Variants in ARRDC5 observed in about 807,000 individuals in gnomAD.
ARRDC5 encodes arrestin domain-containing protein 5.
Under a neutral mutation model 13.3 loss-of-function variants are expected in ARRDC5, and 12 were observed. The ratio of observed to expected loss-of-function variants is 0.90; its 90% CI spans 0.58 to 1.46. The LOEUF is 1.46. Ranked by LOEUF, ARRDC5 falls within the 40% of genes most tolerant of loss-of-function variation. ARRDC5 has a pLI of 0.00. For missense variants in ARRDC5, 406 were observed against 418.7 expected (o/e 0.97, Z 0.26); for synonymous variants, 181 against 173.4 (o/e 1.04, Z -0.34).
chr19:4,900,236 C>T (rs2031874179), intron 1 of ARRDC5, among the ~76,000 whole-genome samples: 1 of 148,960 alleles, frequency 6.7e-6, no homozygotes, highest in Non-Finnish European at 1.5e-5. Context: ...CAAGCTCCGC[C>T]TCCCGGGTTC....
chr19:4,891,411 C>T lies in ARRDC5; in HGVS notation c.622G>A (p.Val208Ile). 6.2e-7 allele frequency: 1 copy of T among 1,613,374 alleles called. No homozygotes were observed. The highest frequency in any genetic ancestry group is 2.2e-5 in the East Asian group (1 of 44,886). The part of the protein sequence containing the change: ...NNQTSKCIKT[V>I]VFALYAHIQY... ...ATGTGGGCATACAGGGCGAATACGA[C>T]CGTCTTGATGCATTTGCTGGTCTGG... Residue 208 changes from valine to isoleucine, a missense_variant, in exon 3 of 3, where the codon GTC (valine) becomes ATC (isoleucine). Physicochemically the swap from Val to Ile is conservative, Grantham distance 29. Transcript: ENST00000650722.
intron 2 of ARRDC5, 103 bp from the exon 3 acceptor site, chr19:4,891,676 G>T: frequency 2.8e-6 from 3 of 1,066,300 alleles, no homozygotes; most frequent in Non-Finnish European, 4.0e-6. Flanking sequence ...TGTGGGGCTG[G>T]CTGGGCACGA....
chr19:4,914,060 AC>A, the ARRDC5 span, among the ~76,000 whole-genome samples: 2 of 150,290 alleles, frequency 1.3e-5, no homozygotes, highest in African/African-American at 2.5e-5. Flanking sequence ...GGTGATTCAC[AC>A]CCCCCTCCCC....
chr19:4,895,649 C>T (rs1012657888), intron 2 of ARRDC5, among the ~76,000 whole-genome samples: 1 of 152,114 alleles, frequency 6.6e-6, no homozygotes, highest in Non-Finnish European at 1.5e-5. Context: ...GGCTGCACTG[C>T]CCGTCCTTCT....
the ARRDC5 span, among the ~76,000 whole-genome samples, chr19:4,912,615 G>C: frequency 6.6e-6 from 1 of 152,258 alleles, no homozygotes; most frequent in African/African-American, 2.4e-5. Flanking sequence ...GAAGCGCTCT[G>C]TCTTTCTCTC....
chr19:4,893,726 CAAAA>C (rs61307077), intron 2 of ARRDC5, among the ~76,000 whole-genome samples: 6 of 56,924 alleles, frequency 1.1e-4, no homozygotes, highest in Admixed American at 5.1e-4. Context: ...ACCCTGTCTC[CAAAA>C]AAAAAAAAAA....
chr19:4,911,085 G>A, the ARRDC5 span: 1 of 1,460,806 alleles, frequency 6.8e-7, no homozygotes, highest in Non-Finnish European at 9.1e-7. Flanking sequence ...TCCAGGCCTC[G>A]CGCCTCTGCA....
At chr19:4,910,973 C>G in the ARRDC5 span, 1 of 1,613,042 alleles carries the variant, frequency 6.2e-7, no homozygotes, top group African/African-American at 1.3e-5. Flanking sequence ...GGAGCTGAGG[C>G]GGAAGATCCA....
intron 1 of ARRDC5, among the ~76,000 whole-genome samples, chr19:4,902,096 G>A (rs1403895860): frequency 6.6e-6 from 1 of 152,018 alleles, no homozygotes; most frequent in Non-Finnish European, 1.5e-5. Context: ...CGCTATATTG[G>A]CCAGGCTGGT....
chr19:4,902,666 C>T lies in ARRDC5; in HGVS notation c.160G>A (p.Glu54Lys). The change falls in exon 1 of 3, where the codon GAA (glutamate) becomes AAA (lysine). Residue 54 changes from glutamate to lysine, a missense_variant. Transcript: ENST00000650722. ...LVGRGYVEWS[E>K]EAGASCDYSR... Reference sequence around the variant, plus strand: ...TAATCACAGGATGCCCCGGCTTCTTCACTCCATTCGACGTAACCCCTTCCC... The same window carrying T: ...TAATCACAGGATGCCCCGGCTTCTTTACTCCATTCGACGTAACCCCTTCCC... The T allele has an allele frequency of 6.2e-7, 1 of 1,614,036 alleles. No homozygotes were observed. The highest frequency in any genetic ancestry group is 8.5e-7 in the Non-Finnish European group (1 of 1,179,892).
chr19:4,910,864 C>A, the ARRDC5 span: 1 of 1,592,744 alleles, frequency 6.3e-7, no homozygotes, highest in South Asian at 1.1e-5. Context: ...TTTTTGCTGT[C>A]CCTCCCCTCA....
chr19:4,896,255 C>T (rs549482136), intron 2 of ARRDC5, among the ~76,000 whole-genome samples: 1 of 130,108 alleles, frequency 7.7e-6, no homozygotes, highest in Admixed American at 7.9e-5. Context: ...GCGGAGGTTA[C>T]AGTGAGCCGA....
At chr19:4,892,578 C>G (rs1015614876) in intron 2 of ARRDC5, among the ~76,000 whole-genome samples, 14 of 151,202 alleles carry the variant, frequency 9.3e-5, no homozygotes, top group African/African-American at 2.9e-4. Context: ...AGGCTAGTCT[C>G]AAACTCCTGG....
chr19:4,913,734 A>G, the ARRDC5 span, among the ~76,000 whole-genome samples: 1 of 149,830 alleles, frequency 6.7e-6, no homozygotes, highest in African/African-American at 2.4e-5. Flanking sequence ...TTATGAAAAG[A>G]TTCAGTGTTC....
chr19:4,908,989 A>C, the ARRDC5 span, among the ~76,000 whole-genome samples: 1 of 152,094 alleles, frequency 6.6e-6, no homozygotes, highest in Non-Finnish European at 1.5e-5. Context: ...AAAGACAGCA[A>C]ACAAGCCCTG....
At chr19:4,916,482 G>A in the ARRDC5 span, among the ~76,000 whole-genome samples, 1 of 152,266 alleles carries the variant, frequency 6.6e-6, no homozygotes, top group East Asian at 1.9e-4. Context: ...CAGTGATCGT[G>A]GTGTCTTTGT....
intron 1 of ARRDC5, 28 bp downstream of exon 1, chr19:4,902,545 T>C: frequency 6.2e-7 from 1 of 1,608,322 alleles, no homozygotes; most frequent in South Asian, 1.1e-5. Context: ...CTGTCATGGC[T>C]AGGGGTGGCT....
chr19:4,896,329 A>ATATATATAT, intron 2 of ARRDC5, among the ~76,000 whole-genome samples: 1 of 73,352 alleles, frequency 1.4e-5, no homozygotes. Flanking sequence ...AAAAAAAAAA[A>ATATATATAT]ATATATATAT....
the ARRDC5 span, among the ~76,000 whole-genome samples, chr19:4,912,401 A>G: frequency 6.6e-6 from 1 of 152,278 alleles, no homozygotes; most frequent in East Asian, 1.9e-4. Flanking sequence ...AGGACCTTCT[A>G]AGTTCACAGC....
Sources: allele counts gnomAD v4.1 joint callset (sites outside exome capture counted in the v4.1 genomes callset), GRCh38; gene constraint gnomAD v4.1.1; transcripts MANE v1.5; gene names NCBI Gene and HGNC (gene_info 2026-07-23, HGNC 2026-07-21).